The following HHIP variants were observed in gnomAD, a reference collection of about 807,000 sequenced individuals.
HHIP encodes hedgehog-interacting protein.
A neutral mutation model predicts 74.0 loss-of-function variants in HHIP; 12 were observed. That is an observed-to-expected ratio of 0.16 (90% CI 0.10 to 0.26). The LOEUF is 0.26. HHIP is among the 10% of genes least tolerant of loss of function. The probability of loss-of-function intolerance (pLI) is 1.00; values close to 1 mark genes in which losing one functional copy is unlikely to be tolerated. For missense variants in HHIP, 788 were observed against 845.0 expected, an observed-to-expected ratio of 0.93 and a Z score of 0.84; for synonymous variants, 309 against 311.6, an observed-to-expected ratio of 0.99 and a Z score of 0.09.
chr4:144,706,710 A>G, intron 5 of HHIP, 28 bp downstream of exon 5: 1 of 1,560,180 alleles, frequency 6.4e-7, no homozygotes, highest in Non-Finnish European at 8.6e-7. Context: ...CGAAGCATAG[A>G]AATTTCTCAT....
chr4:144,676,601 T>C (rs1729174670), intron 4 of HHIP, among the ~76,000 whole-genome samples: 1 of 152,158 alleles, frequency 6.6e-6, no homozygotes, highest in South Asian at 2.1e-4. Flanking sequence ...TTCTATGCAA[T>C]GAACAAGGCC....
At position 144,744,769 on chromosome 4, in the gene HHIP, A is replaced by G. The variant is rs1005238719; in HGVS notation, c.*6812A>G. ...TATGTGCTGTAGAAAAGACAAGGAC[A>G]TTTACTAGGGGGGGATTGTGGGCCC... On this transcript the variant is annotated 3_prime_UTR_variant, in exon 13 of 13. Transcript: ENST00000296575. 1 of 15,564 alleles carries G rather than the reference A, an allele frequency of 6.4e-5. No individual in the cohort carries two copies. The allele number at this position is 15,564 out of a possible 1,614,324, so 1.0% of individuals were successfully genotyped here. A position where few individuals can be genotyped will look rare whatever the true frequency, so the allele number is the denominator to read the frequency against.
At chr4:144,654,181 A>C (rs1464675462) in intron 2 of HHIP, among the ~76,000 whole-genome samples, 1 of 152,182 alleles carries the variant, frequency 6.6e-6, no homozygotes, top group Non-Finnish European at 1.5e-5. Context: ...ATTTGAAGTA[A>C]TTTTAGCTTC....
chr4:144,672,709 T>C (rs1729072179), intron 4 of HHIP, among the ~76,000 whole-genome samples: 1 of 152,138 alleles, frequency 6.6e-6, no homozygotes, highest in Non-Finnish European at 1.5e-5. Context: ...TTTTATTTTA[T>C]TTATTTATTT....
At chr4:144,726,152 G>A (rs1247088027) in intron 11 of HHIP, among the ~76,000 whole-genome samples, 1 of 152,004 alleles carries the variant, frequency 6.6e-6, no homozygotes, top group Non-Finnish European at 1.5e-5. Flanking sequence ...CTTGATTTTG[G>A]ACATGAAATT....
intron 4 of HHIP, among the ~76,000 whole-genome samples, chr4:144,692,310 C>T (rs1421963680): frequency 6.6e-6 from 1 of 152,120 alleles, no homozygotes; most frequent in Non-Finnish European, 1.5e-5. Context: ...ACATTCTCTC[C>T]ACCGTATTTA....
At chr4:144,659,595 T>C in intron 3 of HHIP, 42 bp from the exon 4 acceptor site, 1 of 1,325,020 alleles carries the variant, frequency 7.5e-7, no homozygotes, top group Non-Finnish European at 1.0e-6. Context: ...CTTATCTCCT[T>C]CATCTCAAGA....
At chr4:144,673,031 C>T (rs1297133448) in intron 4 of HHIP, among the ~76,000 whole-genome samples, 2 of 152,172 alleles carry the variant, frequency 1.3e-5, no homozygotes, top group African/African-American at 4.8e-5. Flanking sequence ...TCTATAGCAG[C>T]CATGCTGAGA....
chr4:144,685,036 A>G lies in HHIP; in HGVS notation c.832-21495A>G, dbSNP rs756110148. Among the ~76,000 whole-genome samples the G allele has an allele frequency of 4.6e-5, 7 of 152,204 alleles. No individual in the cohort carries two copies. The East Asian group carries it at 1.3e-3, about 29-fold the overall frequency. On this transcript the variant is annotated intron_variant, in intron 4 of 12. Transcript: ENST00000296575. ...AAGAACAGCCTTCATGAATTGCATC[A>G]TAACTGTAGCACTGCTCAACTTACA...
intron 4 of HHIP, among the ~76,000 whole-genome samples, chr4:144,701,323 C>CTT (rs56360210): frequency 0.051 from 7,347 of 144,300 alleles, 580 homozygotes; most frequent in African/African-American, 0.17. Context: ...CTGTTTTTTT[C>CTT]TTTTTTTTTT....
At chr4:144,733,101 C>T (rs1184008113) in intron 11 of HHIP, among the ~76,000 whole-genome samples, 2 of 152,196 alleles carry the variant, frequency 1.3e-5, no homozygotes, top group African/African-American at 4.8e-5. Context: ...TGTGTCCTTA[C>T]TTTTCTTGGC....
At chr4:144,666,954 C>A (rs1175761806) in intron 4 of HHIP, among the ~76,000 whole-genome samples, 1 of 152,136 alleles carries the variant, frequency 6.6e-6, no homozygotes, top group Non-Finnish European at 1.5e-5. Flanking sequence ...AAGCTGTTAA[C>A]CATCATCTAA....
At chr4:144,720,054 C>A (rs1730587651) in intron 11 of HHIP, among the ~76,000 whole-genome samples, 1 of 152,186 alleles carries the variant, frequency 6.6e-6, no homozygotes, top group Admixed American at 6.5e-5. Flanking sequence ...AATCTCTGGG[C>A]AGTATCACAT....
intron 4 of HHIP, among the ~76,000 whole-genome samples, chr4:144,663,938 T>C (rs1409526792): frequency 6.6e-6 from 1 of 152,188 alleles, no homozygotes; most frequent in Non-Finnish European, 1.5e-5. Context: ...GCTTTGCATG[T>C]GTGTTAAAGG....
chr4:144,709,420 T>A (rs1730229082), intron 7 of HHIP, among the ~76,000 whole-genome samples: 1 of 152,152 alleles, frequency 6.6e-6, no homozygotes, highest in Non-Finnish European at 1.5e-5. Flanking sequence ...GCTGGAGCTT[T>A]CTCACAACCT....
chr4:144,683,557 C>T (rs894084434), intron 4 of HHIP, among the ~76,000 whole-genome samples: 120 of 152,186 alleles, frequency 7.9e-4, no homozygotes, highest in Non-Finnish European at 2.5e-4. Flanking sequence ...ATACCAACTG[C>T]TTCCACATAT....
At chr4:144,705,918 C>T (rs999650431) in intron 4 of HHIP, among the ~76,000 whole-genome samples, 6 of 152,150 alleles carry the variant, frequency 3.9e-5, no homozygotes, top group South Asian at 2.1e-4. Flanking sequence ...CCCTATGCAG[C>T]GAAGGGATTC....
intron 1 of HHIP, among the ~76,000 whole-genome samples, chr4:144,649,281 C>G (rs1380297833): frequency 1.3e-5 from 2 of 151,268 alleles, no homozygotes; most frequent in African/African-American, 2.4e-5. Context: ...TTTCAAGAAA[C>G]TACAGTAGTA....
At chr4:144,683,445 A>G (rs1729399100) in intron 4 of HHIP, among the ~76,000 whole-genome samples, 1 of 152,236 alleles carries the variant, frequency 6.6e-6, no homozygotes, top group Admixed American at 6.5e-5. Flanking sequence ...GAGTTAACAA[A>G]AGACCACTGT....
Sources: allele counts gnomAD v4.1 joint callset (sites outside exome capture counted in the v4.1 genomes callset), GRCh38; gene constraint gnomAD v4.1.1; transcripts MANE v1.5; gene names NCBI Gene and HGNC (gene_info 2026-07-23, HGNC 2026-07-21).